NUAK1: variants seen among roughly 807,000 people sequenced by gnomAD.
NUAK1 encodes NUAK family kinase 1, also known as NUAK family SNF1-like kinase 1.
Under a neutral mutation model 56.9 loss-of-function variants are expected in NUAK1, and 26 were observed. The ratio of observed to expected loss-of-function variants is 0.46; its 90% CI spans 0.33 to 0.63. The LOEUF (loss-of-function observed/expected upper bound fraction) is 0.63. NUAK1 is among the 30% of genes least tolerant of loss of function. The probability of loss-of-function intolerance (pLI) is 0.02; values close to 1 mark genes in which losing one functional copy is unlikely to be tolerated. For missense variants in NUAK1, 727 were observed against 876.1 expected (o/e 0.83, Z 2.15); for synonymous variants, 337 against 336.0 (o/e 1.00, Z -0.03).
At chr12:106,089,152 T>C (rs1192681150) in intron 2 of NUAK1, among the ~76,000 whole-genome samples, 1 of 152,260 alleles carries the variant, frequency 6.6e-6, no homozygotes, top group Admixed American at 6.5e-5. Context: ...GAAAGAGTGA[T>C]AGGCCCTGGA....
At chr12:106,108,571 G>C (rs77232623) in intron 1 of NUAK1, among the ~76,000 whole-genome samples, 351 of 152,276 alleles carry the variant, frequency 2.3e-3, no homozygotes, top group African/African-American at 8.0e-3. Context: ...TGTAATCCTG[G>C]GACCTTGTTC....
rs2033156192 is a variant in NUAK1 at position 106,138,794 on chromosome 12, T to A, written c.-141A>T. On this transcript the variant is annotated 5_prime_UTR_variant, in exon 1 of 7. Coordinates refer to ENST00000261402, the MANE Select transcript of NUAK1 (RefSeq NM_014840.3). The surrounding 1 kb of genome is among the most constrained non-coding windows in gnomAD (Gnocchi z 5.0). ...GGAGGCGGCCCGATACCGCTCGGACTGCGGCTCGGTCACTGGCGGCGGCGG... is the reference window on the plus strand; with the variant it reads ...GGAGGCGGCCCGATACCGCTCGGACAGCGGCTCGGTCACTGGCGGCGGCGG... The A allele has an allele frequency of 3.4e-6, 4 of 1,181,770 alleles. No homozygotes were observed. The highest frequency in any genetic ancestry group is 3.3e-6 in the Non-Finnish European group (3 of 905,350). 73.2% of individuals were successfully genotyped at this position (1,181,770 alleles called of 1,614,324 possible). A position where few individuals can be genotyped will look rare whatever the true frequency, so the allele number is the denominator to read the frequency against.
intron 1 of NUAK1, among the ~76,000 whole-genome samples, chr12:106,117,001 T>C (rs1043332902): frequency 3.3e-5 from 5 of 152,276 alleles, no homozygotes; most frequent in Admixed American, 6.5e-5. Context: ...CTAGAGAACA[T>C]GAACTAGACC....
rs543372423 is a variant in NUAK1 at position 106,063,629 on chromosome 12, G to C, written c.*3173C>G. 1.3e-5 allele frequency: 2 copies of C among 148,986 alleles called. No homozygotes were observed. Among genetic ancestry groups the C allele is most frequent in the Admixed American group, 1.3e-4 (2 of 14,890 alleles). The allele number at this position is 148,986 out of a possible 1,614,324, so 9.2% of individuals were successfully genotyped here. A position where few individuals can be genotyped will look rare whatever the true frequency, so the allele number is the denominator to read the frequency against. On this transcript the variant is annotated 3_prime_UTR_variant, in exon 7 of 7. Coordinates refer to ENST00000261402, the MANE Select transcript of NUAK1 (RefSeq NM_014840.3). ...AAAAAAGACAAATTCAAATAAAAAA[G>C]TCAACTTTTTATTACCAAAAAAAAT...
chr12:106,095,627 G>C (rs138671826), intron 2 of NUAK1, among the ~76,000 whole-genome samples: 1 of 152,340 alleles, frequency 6.6e-6, no homozygotes, highest in East Asian at 1.9e-4. Context: ...CGATTCAGCA[G>C]CAAAGGGGAA....
At chr12:106,111,773 T>C (rs925205820) in intron 1 of NUAK1, among the ~76,000 whole-genome samples, 6 of 151,986 alleles carry the variant, frequency 3.9e-5, no homozygotes, top group Admixed American at 3.9e-4. Flanking sequence ...ATAGCAATAA[T>C]TAATATTTCT....
chr12:106,081,659 C>A (rs1809202640), intron 4 of NUAK1, among the ~76,000 whole-genome samples: 2 of 152,192 alleles, frequency 1.3e-5, no homozygotes, highest in African/African-American at 4.8e-5. Context: ...TGTTTCCCTG[C>A]ACAATTGCTT....
intron 2 of NUAK1, among the ~76,000 whole-genome samples, chr12:106,095,979 C>A (rs1273757981): frequency 6.6e-6 from 1 of 152,144 alleles, no homozygotes; most frequent in Non-Finnish European, 1.5e-5. Context: ...AGTTACAGTT[C>A]ATCTAATCTG....
At chr12:106,096,167 C>A (rs1049809094) in intron 2 of NUAK1, among the ~76,000 whole-genome samples, 1 of 149,634 alleles carries the variant, frequency 6.7e-6, no homozygotes, top group Non-Finnish European at 1.5e-5. Flanking sequence ...TTTTTTTTTT[C>A]TTTAAAAATT....
At chr12:106,084,217 G>A (rs2032549708) in intron 3 of NUAK1, among the ~76,000 whole-genome samples, 1 of 152,160 alleles carries the variant, frequency 6.6e-6, no homozygotes, top group Admixed American at 6.5e-5. Context: ...GGGATTCTTT[G>A]TCGGAATGTA....
Position 106,086,736 on chromosome 12 carries a change from T to C in NUAK1, c.511A>G (p.Lys171Glu), listed in dbSNP as rs2032574331. ...CTGCGGGCCAGGCGCAGCCATACCTTGTGACAATAGTGCACAGCAGAGACG... is the reference window on the plus strand; with the variant it reads ...CTGCGGGCCAGGCGCAGCCATACCTCGTGACAATAGTGCACAGCAGAGACG... The part of the protein sequence containing the change: ...QIVSAVHYCH[K>E]NGVVHRDLKL... Residue 171 changes from lysine (K) to glutamate (E), a missense_variant and splice_region_variant, in exon 3 of 7, where the codon AAG becomes GAG. Lys to Glu is a moderately conservative substitution (Grantham distance 56). Transcript: ENST00000261402. The C allele has an allele frequency of 6.2e-7, 1 of 1,610,020 alleles. No individual in the cohort carries two copies. Among genetic ancestry groups the C allele is most frequent in the Non-Finnish European group, 8.5e-7 (1 of 1,176,712 alleles).
chr12:106,110,753 A>T (rs549467878), intron 1 of NUAK1, among the ~76,000 whole-genome samples: 1 of 152,298 alleles, frequency 6.6e-6, no homozygotes, highest in African/African-American at 2.4e-5. Flanking sequence ...GTCTGCTTTT[A>T]AATAAGGCCA....
rs1189924944 is a variant in NUAK1, at chr12:106,086,945, T to C, written c.362-60A>G. 5 of 1,578,960 alleles carry C rather than the reference T, an allele frequency of 3.2e-6. No individual in the cohort carries two copies. The African/African-American group carries it at 5.4e-5, about 17-fold the overall frequency. On this transcript the variant is annotated intron_variant, in intron 2 of 6. Coordinates refer to ENST00000261402, the MANE Select transcript of NUAK1 (RefSeq NM_014840.3). ...GTTTAGCCAACAAGCTCACTTATGCTACAGAGAATGCGAGAGAGGACAACG... is the reference window on the plus strand; with the variant it reads ...GTTTAGCCAACAAGCTCACTTATGCCACAGAGAATGCGAGAGAGGACAACG...
chr12:106,123,653 C>T (rs2032999546), intron 1 of NUAK1, among the ~76,000 whole-genome samples: 1 of 152,126 alleles, frequency 6.6e-6, no homozygotes, highest in Admixed American at 6.5e-5. Flanking sequence ...ATTGAAAGAA[C>T]AAGGTCAGGT....
intron 1 of NUAK1, among the ~76,000 whole-genome samples, chr12:106,116,761 G>A (rs577534994): frequency 3.9e-5 from 6 of 152,334 alleles, no homozygotes; most frequent in African/African-American, 1.2e-4. Flanking sequence ...AGGCCGCACT[G>A]CCTTGTCCCC....
chr12:106,107,538 G>A (rs953164524), intron 1 of NUAK1, among the ~76,000 whole-genome samples: 1 of 152,112 alleles, frequency 6.6e-6, no homozygotes, highest in Non-Finnish European at 1.5e-5. Context: ...CACCTGTGGA[G>A]GTCAGGTAAA....
chr12:106,130,271 C>T (rs555745695), intron 1 of NUAK1, among the ~76,000 whole-genome samples: 1 of 152,194 alleles, frequency 6.6e-6, no homozygotes, highest in Admixed American at 6.5e-5. Flanking sequence ...CGTGAACCAC[C>T]GTGCCCAGCC....
chr12:106,134,375 A>C (rs1026337973), intron 1 of NUAK1, among the ~76,000 whole-genome samples: 2 of 152,228 alleles, frequency 1.3e-5, no homozygotes, highest in African/African-American at 4.8e-5. Flanking sequence ...TGGGTGCTTA[A>C]AACACCCATT....
intron 5 of NUAK1, 130 bp downstream of exon 5, chr12:106,072,594 T>C (rs981948393): frequency 1.4e-5 from 14 of 1,027,264 alleles, no homozygotes; most frequent in Non-Finnish European, 2.0e-5. Flanking sequence ...TATAATCGTA[T>C]AAGGAAACGT....
Sources: allele counts gnomAD v4.1 joint callset (sites outside exome capture counted in the v4.1 genomes callset), GRCh38; gene constraint gnomAD v4.1.1; non-coding constraint Gnocchi (gnomAD v3.1); transcripts MANE v1.5; gene names NCBI Gene and HGNC (gene_info 2026-07-23, HGNC 2026-07-21).